KCTD8: variants seen among roughly 807,000 people sequenced by gnomAD.
KCTD8 encodes the protein potassium channel tetramerization domain containing 8, also known as BTB/POZ domain-containing protein KCTD8.
In KCTD8, 27 loss-of-function variants were observed where a neutral mutation model predicts 31.5. The observed-to-expected ratio is 0.86, with a 90% confidence interval of 0.63 to 1.18. KCTD8 has a LOEUF of 1.18. KCTD8 is among the 50% of genes most tolerant of loss of function. The pLI, the probability that KCTD8 is intolerant of heterozygous loss-of-function variation, is 0.00. For missense variants in KCTD8, 658 were observed against 647.7 expected (o/e 1.02, Z -0.17); for synonymous variants, 290 against 280.0 (o/e 1.04, Z -0.36).
intron 1 of KCTD8, among the ~76,000 whole-genome samples, chr4:44,346,384 T>G (rs1184778879): frequency 6.6e-6 from 1 of 152,118 alleles, no homozygotes; most frequent in Non-Finnish European, 1.5e-5. Context: ...ATTCTGGAGA[T>G]ATTTTAAATT....
intron 1 of KCTD8, among the ~76,000 whole-genome samples, chr4:44,215,818 A>C (rs969443935): frequency 1.3e-5 from 2 of 152,196 alleles, no homozygotes; most frequent in African/African-American, 4.8e-5. Flanking sequence ...GAGCTCAAAC[A>C]TGTGAAAAGA....
At chr4:44,287,773 T>C (rs1211226546) in intron 1 of KCTD8, among the ~76,000 whole-genome samples, 1 of 152,154 alleles carries the variant, frequency 6.6e-6, no homozygotes, top group Non-Finnish European at 1.5e-5. Context: ...CTAGCAGGGT[T>C]CCTAATCAGA....
chr4:44,221,451 T>C (rs560857499), intron 1 of KCTD8, among the ~76,000 whole-genome samples: 170 of 152,024 alleles, frequency 1.1e-3, no homozygotes, highest in Middle Eastern at 6.8e-3. Flanking sequence ...GATGTATATA[T>C]GAAAGGGAGT....
At chr4:44,181,001 A>G (rs1212996766) in intron 1 of KCTD8, among the ~76,000 whole-genome samples, 1 of 152,198 alleles carries the variant, frequency 6.6e-6, no homozygotes, top group Non-Finnish European at 1.5e-5. Context: ...CACTGACAGT[A>G]AGTATAGTCC....
At chr4:44,308,975 T>C (rs1469526172) in intron 1 of KCTD8, among the ~76,000 whole-genome samples, 1 of 152,106 alleles carries the variant, frequency 6.6e-6, no homozygotes, top group East Asian at 1.9e-4. Context: ...ATTATAATAA[T>C]AGAATATAGA....
intron 1 of KCTD8, among the ~76,000 whole-genome samples, chr4:44,288,597 G>A (rs933269188): frequency 6.6e-6 from 1 of 152,014 alleles, no homozygotes; most frequent in Admixed American, 6.6e-5. Context: ...TGCCTATTCT[G>A]TATGACAGTT....
At chr4:44,429,639 T>G (rs768853544) in intron 1 of KCTD8, among the ~76,000 whole-genome samples, 1 of 151,868 alleles carries the variant, frequency 6.6e-6, no homozygotes. Context: ...AATAACTTTG[T>G]GGCCATGTCA....
chr4:44,175,098 T>C lies in KCTD8; in HGVS notation c.1114A>G (p.Asn372Asp). The C allele has an allele frequency of 6.2e-7, 1 of 1,614,048 alleles. No homozygotes were observed. Among genetic ancestry groups the C allele is most frequent in the Non-Finnish European group, 8.5e-7 (1 of 1,179,968 alleles). Residue 372 changes from asparagine (N) to aspartate (D), a missense_variant, in exon 2 of 2, where the codon AAC becomes GAC. Coordinates refer to ENST00000360029, the MANE Select transcript of KCTD8 (RefSeq NM_198353.3). Reference protein sequence around the residue: ...SHSEASTPQDNPSSAQQATAH... With the variant: ...SHSEASTPQDDPSSAQQATAH... The stretch of plus-strand genomic sequence containing the variant: ...GTTGCCTGCTGGGCACTGGATGGGT[T>C]GTCCTGGGGAGTGCTTGCCTCTGAA...
chr4:44,382,585 C>T (rs112909260), intron 1 of KCTD8, among the ~76,000 whole-genome samples: 22,672 of 151,644 alleles, frequency 0.15, 1,888 homozygotes, highest in Non-Finnish European at 0.19. Context: ...AAAAAATTAC[C>T]CGGGCGTGGT....
At chr4:44,182,497 T>A (rs1165198560) in intron 1 of KCTD8, among the ~76,000 whole-genome samples, 1 of 152,322 alleles carries the variant, frequency 6.6e-6, no homozygotes, top group East Asian at 1.9e-4. Context: ...CCCCCAACCA[T>A]GCACTCTCTG....
At chr4:44,303,539 G>C (rs1051846573) in intron 1 of KCTD8, among the ~76,000 whole-genome samples, 2 of 152,076 alleles carry the variant, frequency 1.3e-5, no homozygotes, top group African/African-American at 4.8e-5. Context: ...AATAAGGCCA[G>C]GCATGGTGGC....
intron 1 of KCTD8, among the ~76,000 whole-genome samples, chr4:44,389,710 C>G (rs1333257438): frequency 6.6e-6 from 1 of 151,770 alleles, no homozygotes; most frequent in Non-Finnish European, 1.5e-5. Flanking sequence ...GAACTGTATG[C>G]TTAAAAATAG....
At position 44,204,042 on chromosome 4, in the gene KCTD8, G is replaced by C. The variant is rs1714230272; in HGVS notation, c.962-28792C>G. On this transcript the variant is annotated intron_variant, in intron 1 of 1. Transcript: ENST00000360029. ...GTTACTTCCAGTACAAAAAAATGAAGGCAGCTCATCATTCTGAAATATACA... is the reference window on the plus strand; with the variant it reads ...GTTACTTCCAGTACAAAAAAATGAACGCAGCTCATCATTCTGAAATATACA... Among the ~76,000 whole-genome samples, 3 of 151,486 alleles carry C rather than the reference G, an allele frequency of 2.0e-5. No individual in the cohort carries two copies. In the South Asian group the frequency reaches 6.2e-4, roughly 31 times the overall value.
chr4:44,351,122 T>C (rs906814573), intron 1 of KCTD8, among the ~76,000 whole-genome samples: 15 of 152,186 alleles, frequency 9.9e-5, no homozygotes, highest in Non-Finnish European at 1.6e-4. Flanking sequence ...CACATTCTTA[T>C]AATTATCTTT....
chr4:44,448,674 GGGCAGCGGCGGC>G lies in KCTD8; in HGVS notation c.-163_-152del. On this transcript the variant is annotated 5_prime_UTR_variant, in exon 1 of 2. Coordinates refer to ENST00000360029, the MANE Select transcript of KCTD8 (RefSeq NM_198353.3). The surrounding 1 kb of genome is among the most constrained non-coding windows in gnomAD (Gnocchi z 4.1). ...CCGGGGCGGCCCCGCTCAGGGTTCG[GGGCAGCGGCGGC>G]GTCGGCGGCGCCCGAGCTCCATCGG... The G allele has an allele frequency of 1.3e-6, 1 of 798,398 alleles. No individual in the cohort carries two copies. Among genetic ancestry groups the G allele is most frequent in the Non-Finnish European group, 1.7e-6 (1 of 591,756 alleles). The allele number at this position is 798,398 out of a possible 1,614,324, so 49.5% of individuals were successfully genotyped here.
intron 1 of KCTD8, among the ~76,000 whole-genome samples, chr4:44,438,577 C>A (rs537535165): frequency 2.7e-4 from 41 of 151,978 alleles, no homozygotes; most frequent in Non-Finnish European, 2.9e-4. Flanking sequence ...AATGAAAAAC[C>A]AACCAGAATA....
At position 44,267,947 on chromosome 4, in the gene KCTD8, A is replaced by C. The variant is rs946355921; in HGVS notation, c.962-92697T>G. On this transcript the variant is annotated intron_variant, in intron 1 of 1. Transcript: ENST00000360029. ...GTCCAGGACCAGATGGATTCACAGC[A>C]GAATTCCACCAGAGGTACAAGGAGG... 1.1e-4 allele frequency among the ~76,000 whole-genome samples: 17 copies of C among 152,268 alleles called. No homozygotes were observed. The East Asian group carries it at 1.5e-3, about 14-fold the overall frequency.
At chr4:44,400,534 G>A (rs1429087399) in intron 1 of KCTD8, among the ~76,000 whole-genome samples, 1 of 151,880 alleles carries the variant, frequency 6.6e-6, no homozygotes, top group South Asian at 2.1e-4. Context: ...TTCGAGACCA[G>A]CCTGGCCAAC....
At chr4:44,405,607 A>G (rs911251982) in intron 1 of KCTD8, among the ~76,000 whole-genome samples, 2 of 152,020 alleles carry the variant, frequency 1.3e-5, no homozygotes, top group Non-Finnish European at 2.9e-5. Context: ...AGAGAAAGGC[A>G]TACCCAGATT....
Sources: gnomAD v4.1 joint callset for allele counts (sites outside exome capture counted in the v4.1 genomes callset) on GRCh38, gnomAD v4.1.1 for gene constraint, Gnocchi (gnomAD v3.1) non-coding constraint, MANE v1.5 for transcripts, NCBI Gene and HGNC (gene_info 2026-07-23, HGNC 2026-07-21) for gene names.